TGM3: variants seen among roughly 807,000 people sequenced by gnomAD.
TGM3 encodes the protein transglutaminase 3.
In TGM3, 52 loss-of-function variants were observed where a neutral mutation model predicts 73.8. The ratio of observed to expected loss-of-function variants is 0.70; its 90% CI spans 0.56 to 0.89. TGM3 has a LOEUF of 0.89. Ranked by LOEUF, TGM3 falls within the 40% of genes least tolerant of loss-of-function variation. The pLI, the probability that TGM3 is intolerant of heterozygous loss-of-function variation, is 0.00. For synonymous variants in TGM3, 372 were observed against 354.9 expected, an observed-to-expected ratio of 1.05 and a Z score of -0.54; for missense variants, 928 against 909.9, an observed-to-expected ratio of 1.02 and a Z score of -0.26.
chr20:2,334,046 C>T lies in TGM3; in HGVS notation c.1643-1070C>T, dbSNP rs531765422. ...GGGTGCTGGGGCATCCCCAGGCCAC[C>T]CAGCATGACAGCCTGAGGGAAGGGA... On this transcript the variant is annotated intron_variant, in intron 10 of 12. Coordinates refer to ENST00000381458, the MANE Select transcript of TGM3 (RefSeq NM_003245.4). The surrounding 1 kb of genome is among the most constrained non-coding windows in gnomAD (Gnocchi z 4.0). 4.9e-4 allele frequency among the ~76,000 whole-genome samples: 75 copies of T among 152,292 alleles called. No homozygotes were observed. Among genetic ancestry groups the T allele is most frequent in the African/African-American group, 1.8e-3 (73 of 41,550 alleles).
At chr20:2,297,026 C>T (rs781083334) in intron 1 of TGM3, among the ~76,000 whole-genome samples, 5 of 152,196 alleles carry the variant, frequency 3.3e-5, no homozygotes, top group Admixed American at 6.5e-5. Context: ...CATTAGGCCC[C>T]CTCCCCTGTC....
chr20:2,337,743 C>T (rs1325715195), intron 11 of TGM3, among the ~76,000 whole-genome samples: 3 of 151,922 alleles, frequency 2.0e-5, no homozygotes, highest in African/African-American at 7.3e-5. Flanking sequence ...TAGTGTTTTT[C>T]CCCAGTGTAT....
chr20:2,316,991 C>T, intron 5 of TGM3, 77 bp from the exon 6 acceptor site: 1 of 1,539,070 alleles, frequency 6.5e-7, no homozygotes, highest in East Asian at 2.3e-5. Flanking sequence ...CCCACCTTGT[C>T]CTCTGAATTC....
chr20:2,301,170 A>G (rs559019325), intron 1 of TGM3, among the ~76,000 whole-genome samples: 14 of 151,974 alleles, frequency 9.2e-5, no homozygotes, highest in African/African-American at 3.4e-4. Flanking sequence ...AAAGGAAATG[A>G]CACAGGCTAG....
intron 1 of TGM3, among the ~76,000 whole-genome samples, chr20:2,307,993 G>A (rs572689420): frequency 3.3e-5 from 5 of 152,216 alleles, no homozygotes; most frequent in African/African-American, 4.8e-5. Context: ...ATGCCAAGAC[G>A]TGCAGATCAC....
chr20:2,316,819 T>C (rs1190575396), intron 5 of TGM3, among the ~76,000 whole-genome samples: 2 of 152,086 alleles, frequency 1.3e-5, no homozygotes, highest in East Asian at 3.9e-4. Flanking sequence ...AGGAATGACG[T>C]ATGGATCAAG....
chr20:2,311,282 T>A (rs2084202352), intron 4 of TGM3, among the ~76,000 whole-genome samples, 153 bp downstream of exon 4: 1 of 151,294 alleles, frequency 6.6e-6, no homozygotes, highest in African/African-American at 2.4e-5. Flanking sequence ...GGCCACCTAT[T>A]ATGTGTCAGA....
rs193021322 is a variant in TGM3, at chr20:2,331,558, T to A, written c.1334-444T>A. 8.8e-3 allele frequency among the ~76,000 whole-genome samples: 1,344 copies of A among 152,254 alleles called. 17 individuals are homozygous for A. The highest frequency in any genetic ancestry group is 0.03 in the African/African-American group (1,261 of 41,532). ...GAAGAACATGGTTTACCAAAAAAAA[T>A]TTTTTAATTAAGTCAGTTCTAAATC... is the stretch of plus-strand genomic sequence containing the variant. On this transcript the variant is annotated intron_variant, in intron 9 of 12. Coordinates refer to ENST00000381458, the MANE Select transcript of TGM3 (RefSeq NM_003245.4).
Position 2,328,452 on chromosome 20 carries a change from C to A in TGM3, c.1333+87C>A. ...GGCTGGAGAGGAGAAAAGTCCTCAC[C>A]TCCCCCGCACTGGCAGCCAGTTCTG... On this transcript the variant is annotated intron_variant, in intron 9 of 12. Transcript: ENST00000381458. The surrounding 1 kb of genome is among the most constrained non-coding windows in gnomAD (Gnocchi z 5.2). 3 of 1,539,976 alleles carry A rather than the reference C, an allele frequency of 1.9e-6. No homozygotes were observed. The highest frequency in any genetic ancestry group is 1.2e-5 in the South Asian group (1 of 81,654).
chr20:2,308,360 C>T (rs1411171261), intron 1 of TGM3, among the ~76,000 whole-genome samples: 2 of 152,204 alleles, frequency 1.3e-5, no homozygotes, highest in Non-Finnish European at 2.9e-5. Context: ...AAGACAGAGA[C>T]CAGTTTGGTT....
intron 9 of TGM3, among the ~76,000 whole-genome samples, chr20:2,329,786 G>A (rs1483990666): frequency 6.6e-6 from 1 of 152,194 alleles, no homozygotes; most frequent in Non-Finnish European, 1.5e-5. Context: ...GTCTTCAGCG[G>A]GATTTAAATG....
intron 1 of TGM3, among the ~76,000 whole-genome samples, chr20:2,305,820 T>A (rs1272645139): frequency 6.6e-6 from 1 of 152,230 alleles, no homozygotes; most frequent in Non-Finnish European, 1.5e-5. Context: ...TTGGCTTCCT[T>A]GTCTGTAAAA....
At chr20:2,323,868 A>G (rs2084273794) in intron 7 of TGM3, among the ~76,000 whole-genome samples, 2 of 152,196 alleles carry the variant, frequency 1.3e-5, no homozygotes, top group African/African-American at 4.8e-5. Context: ...TGTATTTCTT[A>G]TAAAAATTGC....
intron 1 of TGM3, among the ~76,000 whole-genome samples, chr20:2,304,024 T>C (rs1191131247): frequency 6.6e-6 from 1 of 152,222 alleles, no homozygotes; most frequent in Non-Finnish European, 1.5e-5. Flanking sequence ...ATAAGAATCA[T>C]GCGACTCCTG....
At chr20:2,311,683 C>T (rs977503582) in intron 4 of TGM3, among the ~76,000 whole-genome samples, 9 of 152,170 alleles carry the variant, frequency 5.9e-5, no homozygotes, top group Non-Finnish European at 1.3e-4. Context: ...TAAAGCACCT[C>T]GGGCGGGGTG....
chr20:2,315,672 C>T (rs1020975053), intron 5 of TGM3, among the ~76,000 whole-genome samples: 4 of 152,218 alleles, frequency 2.6e-5, no homozygotes, highest in Non-Finnish European at 4.4e-5. Context: ...TTCAGATAAA[C>T]GACAGCCAAA....
At chr20:2,303,130 C>A (rs1471089724) in intron 1 of TGM3, among the ~76,000 whole-genome samples, 1 of 151,992 alleles carries the variant, frequency 6.6e-6, no homozygotes, top group Non-Finnish European at 1.5e-5. Context: ...GAAACCCTGT[C>A]TCTATTAAAA....
intron 7 of TGM3, among the ~76,000 whole-genome samples, 196 bp downstream of exon 7, chr20:2,317,681 C>T (rs531792651): frequency 2.4e-4 from 36 of 152,018 alleles, no homozygotes; most frequent in Middle Eastern, 3.4e-3. Flanking sequence ...CGGTGCTCTG[C>T]GGTCTGCTAG....
rs939761576 is a variant in TGM3 at position 2,327,345 on chromosome 20, G to A, written c.1088-775G>A. ...AAAAAAATTAGCCGGGCGTGGTGGC[G>A]GGCGCCTGTAGTCCCAGCTACTGAG... is the stretch of plus-strand genomic sequence containing the variant. On this transcript the variant is annotated intron_variant, in intron 8 of 12. Transcript: ENST00000381458. Among the ~76,000 whole-genome samples the A allele has an allele frequency of 5.7e-4, 87 of 152,096 alleles. 1 individual carries two copies. The highest frequency in any genetic ancestry group is 3.4e-3 in the Middle Eastern group (1 of 294).
Sources: allele counts gnomAD v4.1 joint callset (sites outside exome capture counted in the v4.1 genomes callset), GRCh38; gene constraint gnomAD v4.1.1; non-coding constraint Gnocchi (gnomAD v3.1); transcripts MANE v1.5; gene names NCBI Gene and HGNC (gene_info 2026-07-23, HGNC 2026-07-21).